The following NLGN3 variants were observed in gnomAD, a reference collection of about 807,000 sequenced individuals.
NLGN3 encodes neuroligin-3.
Under a neutral mutation model 42.9 loss-of-function variants are expected in NLGN3, and 11 were observed. That is an observed-to-expected ratio of 0.26 (90% CI 0.16 to 0.42). The LOEUF is 0.42. Among genes scored for constraint, NLGN3 ranks in the 10% least tolerant of loss-of-function variants. The pLI is 1.00. For synonymous variants in NLGN3, 279 were observed against 312.7 expected (o/e 0.89, Z 1.14); for missense variants, 374 against 733.8 (o/e 0.51, Z 5.67).
intron 3 of NLGN3, among the ~76,000 whole-genome samples, chrX:71,151,421 A>G (rs372675790): frequency 1.8e-5 from 2 of 112,440 alleles, no homozygotes; most frequent in Admixed American, 9.4e-5. Flanking sequence ...TGTTCAAATT[A>G]GTTCCCTACC....
chrX:71,168,821 A>AAAAAG (rs1556351463), intron 7 of NLGN3, among the ~76,000 whole-genome samples: 4 of 69,350 alleles, frequency 5.8e-5, no homozygotes, highest in Non-Finnish European at 9.9e-5. Flanking sequence ...AGAGAAAAAA[A>AAAAAG]AAAGAAAGAA....
Position 71,155,293 on chromosome X carries a change from T to C in NLGN3, c.657T>C (p.Ile219=), listed in dbSNP as rs750747170. The change falls in exon 5 of 8, where the codon ATT becomes ATC. Residue 219 remains isoleucine (I), a synonymous_variant. Transcript: ENST00000358741. ...GSYMEGTGNM[I]DGSILASYGN... is the part of the protein sequence containing the mutation. Reference sequence around the variant, plus strand: ...ACATGGAAGGGACAGGCAACATGATTGATGGCAGCATCCTCGCCAGTTATG... The same window carrying C: ...ACATGGAAGGGACAGGCAACATGATCGATGGCAGCATCCTCGCCAGTTATG... 3 of 1,210,766 alleles carry C rather than the reference T, an allele frequency of 2.5e-6. No individual in the cohort carries two copies. Among genetic ancestry groups the C allele is most frequent in the Non-Finnish European group, 3.4e-6 (3 of 895,211 alleles).
In NLGN3 at chrX:71,170,951, C is replaced by T; in HGVS notation, c.*854C>T. On this transcript the variant is annotated 3_prime_UTR_variant, in exon 8 of 8. Coordinates refer to ENST00000358741, the MANE Select transcript of NLGN3 (RefSeq NM_181303.2). ...TGGAAGCCACATCACTATTGGGCCC[C>T]CAGGTCTGATCTGGGTTTTGCCTCT... 1 of 754,674 alleles carries T rather than the reference C, an allele frequency of 1.3e-6. No homozygotes were observed. Among genetic ancestry groups the T allele is most frequent in the East Asian group, 1.5e-4 (1 of 6,654 alleles). The allele number at this position is 754,674 out of a possible 1,213,427, so 62.2% of individuals were successfully genotyped here. A position where few individuals can be genotyped will look rare whatever the true frequency, so the allele number is the denominator to read the frequency against.
intron 3 of NLGN3, among the ~76,000 whole-genome samples, chrX:71,150,574 T>C (rs1406230632): frequency 1.9e-5 from 2 of 107,825 alleles, no homozygotes; most frequent in African/African-American, 6.8e-5. Context: ...TGGTGGCGGG[T>C]GCCTGTAGTT....
Position 71,147,874 on chromosome X carries a change from CCA to C in NLGN3, c.128_129del (p.Thr43SerfsTer18). On this transcript the variant is annotated frameshift_variant, in exon 2 of 8. Coordinates refer to ENST00000358741, the MANE Select transcript of NLGN3 (RefSeq NM_181303.2). LOFTEE classifies it high-confidence loss of function. The stretch of plus-strand genomic sequence containing the variant: ...AGGGCCAGTACCCAGGCCCCAGCAC[CCA>C]CAGTCAACACTCACTTTGGGAAGCT... The C allele has an allele frequency of 8.3e-7, 1 of 1,207,981 alleles. No homozygotes were observed. Among genetic ancestry groups the C allele is most frequent in the Non-Finnish European group, 1.1e-6 (1 of 893,600 alleles).
chrX:71,160,028 A>G (rs7881065), intron 5 of NLGN3, among the ~76,000 whole-genome samples: 53,095 of 100,656 alleles, frequency 0.53, 12,494 homozygotes, highest in African/African-American at 0.84. Flanking sequence ...GAGCCACTGC[A>G]CCCGGCGGGG....
intron 5 of NLGN3, among the ~76,000 whole-genome samples, chrX:71,156,917 G>A (rs2092411399): frequency 9.0e-6 from 1 of 111,471 alleles, no homozygotes; most frequent in African/African-American, 3.3e-5. Flanking sequence ...TACCTTCCTT[G>A]GTGACCACCC....
chrX:71,161,476 C>T (rs1427433506), intron 5 of NLGN3, among the ~76,000 whole-genome samples: 1 of 110,541 alleles, frequency 9.0e-6, no homozygotes, highest in African/African-American at 3.3e-5. Context: ...GCATCATCCA[C>T]ATGCTTCAGG....
chrX:71,166,859 T>C, intron 6 of NLGN3, 152 bp from the exon 7 acceptor site: 1 of 512,360 alleles, frequency 2.0e-6, no homozygotes, highest in East Asian at 3.6e-5. Context: ...CAGCAACCCC[T>C]CCTTTGGCCC....
intron 3 of NLGN3, among the ~76,000 whole-genome samples, chrX:71,152,006 G>T (rs971970475): frequency 1.8e-5 from 2 of 112,123 alleles, no homozygotes; most frequent in East Asian, 5.6e-4. Context: ...CTGTGCTCTT[G>T]TCCTGGTTGA....
intron 5 of NLGN3, among the ~76,000 whole-genome samples, chrX:71,155,656 G>C (rs1187645211): frequency 1.8e-5 from 2 of 111,160 alleles, no homozygotes; most frequent in African/African-American, 6.6e-5. Context: ...AGTTTTGTAG[G>C]ATGCTTCAAT....
In NLGN3 at chrX:71,169,889, C is replaced by G; in HGVS notation, c.2339C>G (p.Pro780Arg). 2.5e-6 allele frequency: 3 copies of G among 1,199,608 alleles called. No homozygotes were observed. The highest frequency in any genetic ancestry group is 4.6e-4 in the Middle Eastern group (2 of 4,340). The change falls in exon 8 of 8, where the codon CCC (proline) becomes CGC (arginine). Residue 780 changes from proline (P) to arginine (R), a missense_variant. Transcript: ENST00000358741. ...PTHHECEAGP[P>R]HDTLRLTALP... ...CACCACGAGTGTGAGGCCGGTCCCC[C>G]CCATGACACGCTGCGCCTCACTGCA...
intron 5 of NLGN3, among the ~76,000 whole-genome samples, chrX:71,161,115 C>CT (rs375604446): frequency 2.3e-3 from 214 of 91,167 alleles, no homozygotes; most frequent in South Asian, 6.8e-3. Context: ...TCTTTTCTTT[C>CT]TTTTTTTTTT....
At chrX:71,165,520 C>CT (rs1313514066) in intron 6 of NLGN3, among the ~76,000 whole-genome samples, 16 of 105,826 alleles carry the variant, frequency 1.5e-4, no homozygotes, top group Non-Finnish European at 2.2e-4. Flanking sequence ...GGAGGTTTGA[C>CT]TTTTTTTTTT....
intron 7 of NLGN3, among the ~76,000 whole-genome samples, chrX:71,168,876 AAAAGAAAGAGAAAG>A (rs1569485742): frequency 4.0e-5 from 3 of 74,640 alleles, no homozygotes; most frequent in African/African-American, 2.5e-4. Flanking sequence ...AAAGAGAAAG[AAAAGAAAGAGAAAG>A]AAAGAAAGAA....
chrX:71,162,454 G>C (rs750383245), intron 5 of NLGN3, among the ~76,000 whole-genome samples: 3 of 111,535 alleles, frequency 2.7e-5, no homozygotes, highest in Non-Finnish European at 5.6e-5. Flanking sequence ...CAAAGGAGCA[G>C]CTTCAATTTC....
chrX:71,153,826 C>A (rs2092398988), intron 4 of NLGN3, among the ~76,000 whole-genome samples: 1 of 111,981 alleles, frequency 8.9e-6, no homozygotes, highest in Admixed American at 9.4e-5. Flanking sequence ...AGGCACCTGC[C>A]CCTACTGAGC....
At chrX:71,148,737 C>T in intron 2 of NLGN3, 109 bp from the exon 3 acceptor site, 1 of 620,650 alleles carries the variant, frequency 1.6e-6, no homozygotes, top group South Asian at 3.6e-5. Flanking sequence ...AGGCTCTCTG[C>T]CATGTGCCGC....
intron 5 of NLGN3, among the ~76,000 whole-genome samples, chrX:71,159,699 G>A (rs1325168094): frequency 9.6e-6 from 1 of 103,806 alleles, no homozygotes; most frequent in Non-Finnish European, 1.9e-5. Context: ...ACATGGGTTT[G>A]TCCCTGATGC....
Sources: gnomAD v4.1 joint callset for allele counts (sites outside exome capture counted in the v4.1 genomes callset) on GRCh38, gnomAD v4.1.1 for gene constraint, MANE v1.5 for transcripts, NCBI Gene and HGNC (gene_info 2026-07-23, HGNC 2026-07-21) for gene names.